The following PHACTR2 variants were observed in gnomAD, a reference collection of about 807,000 sequenced individuals.
PHACTR2 encodes chromosome 6 open reading frame 56.
Under a neutral mutation model 76.0 loss-of-function variants are expected in PHACTR2, and 30 were observed. The ratio of observed to expected loss-of-function variants is 0.39; its 90% CI spans 0.30 to 0.54. PHACTR2 has a LOEUF of 0.54. Ranked by LOEUF, PHACTR2 falls within the 20% of genes least tolerant of loss-of-function variation. PHACTR2 has a pLI of 0.61. For synonymous variants in PHACTR2, 292 were observed against 292.5 expected (o/e 1.00, Z 0.02); for missense variants, 696 against 781.1 (o/e 0.89, Z 1.30).
intron 2 of PHACTR2, among the ~76,000 whole-genome samples, chr6:143,740,604 G>A (rs1364421918): frequency 6.6e-6 from 1 of 152,108 alleles, no homozygotes; most frequent in East Asian, 1.9e-4. Flanking sequence ...ATTGCTTGTG[G>A]AGTAAGGCTG....
rs1562321919 is a variant in PHACTR2, at chr6:143,826,074, G to A, written c.*2385G>A. ...TAAAAGTAAAAAAAAAAAAAAATTA[G>A]CCACTGCTAGTCTACTGTTTAGGTA... On this transcript the variant is annotated 3_prime_UTR_variant, in exon 13 of 13. Coordinates refer to ENST00000440869, the MANE Select transcript of PHACTR2 (RefSeq NM_001100164.2). 3 of 151,618 alleles carry A rather than the reference G, an allele frequency of 2.0e-5. No homozygotes were observed. Among genetic ancestry groups the A allele is most frequent in the Admixed American group, 2.0e-4 (3 of 15,218 alleles). The allele number at this position is 151,618 out of a possible 1,614,324, so 9.4% of individuals were successfully genotyped here. A position where few individuals can be genotyped will look rare whatever the true frequency, so the allele number is the denominator to read the frequency against.
At position 143,709,094 on chromosome 6, in the gene PHACTR2, G is replaced by T. The variant is rs1205043722; in HGVS notation, c.47-2922G>T. ...CATACTCTCAGTTCCCCCTGGGTTT[G>T]CCCTCTGGTTCAAAGAGGGAAGTTG... On this transcript the variant is annotated intron_variant, in intron 1 of 12. Coordinates refer to ENST00000440869, the MANE Select transcript of PHACTR2 (RefSeq NM_001100164.2). This position sits in a 1 kb window ranked among gnomAD's most constrained non-coding sequence, Gnocchi z 4.4. Among the ~76,000 whole-genome samples the T allele has an allele frequency of 1.3e-5, 2 of 152,192 alleles. No individual in the cohort carries two copies. The highest frequency in any genetic ancestry group is 2.9e-5 in the Non-Finnish European group (2 of 68,020).
rs576832697 is a variant in PHACTR2, at chr6:143,556,723, G to A, written c.217+19516G>A. Among the ~76,000 whole-genome samples, 155 of 152,244 alleles carry A rather than the reference G, an allele frequency of 1.0e-3. No homozygotes were observed. The highest frequency in any genetic ancestry group is 3.5e-3 in the African/African-American group (146 of 41,538). On this transcript the variant is annotated intron_variant, in intron 1 of 11. Coordinates refer to the PHACTR2 transcript ENST00000367584. This position sits in a 1 kb window ranked among gnomAD's most constrained non-coding sequence, Gnocchi z 4.3. ...GTGCTAACTAGAGGAGAAGGAAGAC[G>A]TACATCACCACAGGACCACAGCGAC... is the stretch of plus-strand genomic sequence containing the variant.
intron 6 of PHACTR2, among the ~76,000 whole-genome samples, chr6:143,766,835 A>T (rs549390082): frequency 3.3e-5 from 5 of 152,308 alleles, no homozygotes; most frequent in African/African-American, 1.2e-4. Flanking sequence ...GCCCTGTCTC[A>T]CGAGTATGAA....
chr6:143,540,561 G>A (rs1584048750), intron 1 of PHACTR2, among the ~76,000 whole-genome samples: 1 of 152,204 alleles, frequency 6.6e-6, no homozygotes, highest in Admixed American at 6.5e-5. Context: ...AATACCGTGA[G>A]GGTACCCCAA....
At chr6:143,637,506 T>A (rs904940818) in intron 1 of PHACTR2, among the ~76,000 whole-genome samples, 11 of 152,362 alleles carry the variant, frequency 7.2e-5, no homozygotes, top group Admixed American at 2.6e-4. Context: ...CTATGTTGCA[T>A]AACAAATTAT....
chr6:143,597,089 C>T lies in PHACTR2; in HGVS notation c.217+59882C>T, dbSNP rs1775763094. On this transcript the variant is annotated intron_variant, in intron 1 of 11. Transcript: ENST00000367584. The surrounding 1 kb of genome is among the most constrained non-coding windows in gnomAD (Gnocchi z 5.7). ...CTGCTCTATACTCTGGATCTTTCTA[C>T]ACTTGGCATGTATTTTCCCCTCTGT... Among the ~76,000 whole-genome samples, 1 of 152,338 alleles carries T rather than the reference C, an allele frequency of 6.6e-6. No individual in the cohort carries two copies. The highest frequency in any genetic ancestry group is 2.4e-5 in the African/African-American group (1 of 41,580).
At chr6:143,763,898 C>T (rs1470610064) in intron 5 of PHACTR2, among the ~76,000 whole-genome samples, 1 of 152,142 alleles carries the variant, frequency 6.6e-6, no homozygotes, top group East Asian at 1.9e-4. Context: ...TAGTTGAACC[C>T]TTCATGAAGA....
Position 143,818,742 on chromosome 6 carries a change from G to A in PHACTR2, c.1923-4932G>A, listed in dbSNP as rs969652229. Among the ~76,000 whole-genome samples, 1 of 152,094 alleles carries A rather than the reference G, an allele frequency of 6.6e-6. No homozygotes were observed. Among genetic ancestry groups the A allele is most frequent in the Admixed American group, 6.6e-5 (1 of 15,264 alleles). The stretch of plus-strand genomic sequence containing the variant: ...AGATCTCGTGAGTACTCACTGTCAC[G>A]AGAACAGCATGGGGGAAACCACTCG... On this transcript the variant is annotated intron_variant, in intron 12 of 12. Coordinates refer to ENST00000440869, the MANE Select transcript of PHACTR2 (RefSeq NM_001100164.2). This position sits in a 1 kb window ranked among gnomAD's most constrained non-coding sequence, Gnocchi z 4.9.
rs780159951 is a variant in PHACTR2 at position 143,801,627 on chromosome 6, T to G, written c.1846-5430T>G. On this transcript the variant is annotated intron_variant, in intron 11 of 12. Transcript: ENST00000440869. The surrounding 1 kb of genome is among the most constrained non-coding windows in gnomAD (Gnocchi z 4.6). ...CCTTTTTTCAACGTTTTTAGCTTCCTTGAAATGGATTAGATCATGCTCCTT... is the reference window on the plus strand; with the variant it reads ...CCTTTTTTCAACGTTTTTAGCTTCCGTGAAATGGATTAGATCATGCTCCTT... Among the ~76,000 whole-genome samples the G allele has an allele frequency of 1.2e-4, 19 of 152,206 alleles. No individual in the cohort carries two copies. Among genetic ancestry groups the G allele is most frequent in the Non-Finnish European group, 2.2e-4 (15 of 68,024 alleles).
In PHACTR2 at chr6:143,683,304, G is replaced by A. The variant is rs1243152309; in HGVS notation, c.46+5095G>A. 1.3e-5 allele frequency among the ~76,000 whole-genome samples: 2 copies of A among 152,168 alleles called. No individual in the cohort carries two copies. The highest frequency in any genetic ancestry group is 4.8e-5 in the African/African-American group (2 of 41,428). On this transcript the variant is annotated intron_variant, in intron 1 of 12. Coordinates refer to ENST00000440869, the MANE Select transcript of PHACTR2 (RefSeq NM_001100164.2). This position sits in a 1 kb window ranked among gnomAD's most constrained non-coding sequence, Gnocchi z 4.1. Reference sequence around the variant, plus strand: ...AACAAATAGTCTCAATAAGCAGCCTGACTGCTTTAAACCAATGATTATATG... The same window carrying A: ...AACAAATAGTCTCAATAAGCAGCCTAACTGCTTTAAACCAATGATTATATG...
In PHACTR2 at chr6:143,755,221, A is replaced by C; in HGVS notation, c.454+1309A>C. 1 of 451,694 alleles carries C rather than the reference A, an allele frequency of 2.2e-6. No individual in the cohort carries two copies. The highest frequency in any genetic ancestry group is 7.0e-5 in the East Asian group (1 of 14,364). 28.0% of individuals were successfully genotyped at this position (451,694 alleles called of 1,614,324 possible). A position where few individuals can be genotyped will look rare whatever the true frequency, so the allele number is the denominator to read the frequency against. On this transcript the variant is annotated intron_variant, in intron 4 of 12. Coordinates refer to ENST00000440869, the MANE Select transcript of PHACTR2 (RefSeq NM_001100164.2). This position sits in a 1 kb window ranked among gnomAD's most constrained non-coding sequence, Gnocchi z 5.2. ...GGAACATAAAAAGAAAGTAGACTTA[A>C]ATAAATTTTAGTGGGATTCAGTTGA...
rs1257741416 is a variant in PHACTR2 at position 143,767,118 on chromosome 6, C to T, written c.1232+1320C>T. Reference sequence around the variant, plus strand: ...GATAATAACCTTTATTTATTGAATACTCATTTAGTGTCAGGAACTAAGCAC... The same window carrying T: ...GATAATAACCTTTATTTATTGAATATTCATTTAGTGTCAGGAACTAAGCAC... On this transcript the variant is annotated intron_variant, in intron 6 of 12. Transcript: ENST00000440869. The surrounding 1 kb of genome is among the most constrained non-coding windows in gnomAD (Gnocchi z 4.4). 6.6e-6 allele frequency among the ~76,000 whole-genome samples: 1 copy of T among 152,116 alleles called. No homozygotes were observed. The highest frequency in any genetic ancestry group is 1.5e-5 in the Non-Finnish European group (1 of 68,030).
At chr6:143,622,985 A>G (rs1299395851) in intron 1 of PHACTR2, among the ~76,000 whole-genome samples, 1 of 152,214 alleles carries the variant, frequency 6.6e-6, no homozygotes, top group African/African-American at 2.4e-5. Flanking sequence ...GCCTTCACCT[A>G]AAGAAGGCTC....
At chr6:143,615,995 G>T (rs180867644) in intron 1 of PHACTR2, among the ~76,000 whole-genome samples, 3 of 152,256 alleles carry the variant, frequency 2.0e-5, no homozygotes, top group Admixed American at 1.3e-4. Context: ...TTTAAATTTT[G>T]ATATCTATGT....
intron 1 of PHACTR2, among the ~76,000 whole-genome samples, chr6:143,638,035 A>G (rs1160091918): frequency 6.6e-6 from 1 of 152,240 alleles, no homozygotes; most frequent in Admixed American, 6.5e-5. Flanking sequence ...TTTCAAACAA[A>G]AGCAATAGCA....
Position 143,776,423 on chromosome 6 carries a change from A to G in PHACTR2, c.1590-905A>G, listed in dbSNP as rs1259258192. Among the ~76,000 whole-genome samples, 1 of 152,268 alleles carries G rather than the reference A, an allele frequency of 6.6e-6. No homozygotes were observed. The highest frequency in any genetic ancestry group is 1.9e-4 in the East Asian group (1 of 5,204). On this transcript the variant is annotated intron_variant, in intron 8 of 12. Transcript: ENST00000440869. The surrounding 1 kb of genome is among the most constrained non-coding windows in gnomAD (Gnocchi z 5.3). ...CTATAAAAATCAACATTATGTTTAT[A>G]TAACATTGTTACATAGAAGAAAATA...
At chr6:143,732,350 T>C (rs370322662) in intron 2 of PHACTR2, among the ~76,000 whole-genome samples, 4 of 152,360 alleles carry the variant, frequency 2.6e-5, no homozygotes, top group African/African-American at 9.6e-5. Context: ...CTATTCTTGA[T>C]ATCTCATACA....
At chr6:143,717,013 A>AG (rs1479350376) in intron 2 of PHACTR2, among the ~76,000 whole-genome samples, 1 of 152,172 alleles carries the variant, frequency 6.6e-6, no homozygotes, top group East Asian at 1.9e-4. Context: ...TTGCTCAAAA[A>AG]GTGTGACTGG....
Sources: allele counts gnomAD v4.1 joint callset (sites outside exome capture counted in the v4.1 genomes callset), GRCh38; gene constraint gnomAD v4.1.1; non-coding constraint Gnocchi (gnomAD v3.1); transcripts MANE v1.5; gene names NCBI Gene and HGNC (gene_info 2026-07-23, HGNC 2026-07-21).